TASOR2: variants seen among roughly 807,000 people sequenced by gnomAD.
The protein encoded by TASOR2 is protein TASOR 2.
A neutral mutation model predicts 199.5 loss-of-function variants in TASOR2; 84 were observed. The ratio of observed to expected loss-of-function variants is 0.42; its 90% CI spans 0.35 to 0.50. TASOR2 has a LOEUF of 0.50. Ranked by LOEUF, TASOR2 falls within the 20% of genes least tolerant of loss-of-function variation. The pLI, the probability that TASOR2 is intolerant of heterozygous loss-of-function variation, is 0.02. For missense variants in TASOR2, 2,796 were observed against 2,835.9 expected, an observed-to-expected ratio of 0.99 and a Z score of 0.32; for synonymous variants, 1,103 against 1,046.6, an observed-to-expected ratio of 1.05 and a Z score of -1.04.
At chr10:5,758,536 CA>C (rs1330555547) in intron 17 of TASOR2, among the ~76,000 whole-genome samples, 2 of 150,172 alleles carry the variant, frequency 1.3e-5, no homozygotes, top group East Asian at 1.9e-4. Flanking sequence ...AACCCTGTCT[CA>C]AAAAAAAAGG....
chr10:5,716,074 G>A (rs1832593885), intron 2 of TASOR2, among the ~76,000 whole-genome samples: 1 of 152,154 alleles, frequency 6.6e-6, no homozygotes. Flanking sequence ...GTTACTGTAC[G>A]GAATACTTCA....
intron 11 of TASOR2, among the ~76,000 whole-genome samples, chr10:5,734,356 G>A (rs991253824): frequency 6.6e-6 from 1 of 151,876 alleles, no homozygotes; most frequent in Non-Finnish European, 1.5e-5. Context: ...ATAAAACCAG[G>A]TGCACACTTT....
chr10:5,762,559 T>C, exon 20 of TASOR2: 1 of 1,310,152 alleles, frequency 7.6e-7, no homozygotes, highest in Non-Finnish European at 1.0e-6. Flanking sequence ...AGAGAAGTCT[T>C]TGAAAATAGT....
rs770109556 is a variant in TASOR2, at chr10:5,698,696, C to T, written c.-288+13521C>T. Among the ~76,000 whole-genome samples, 6 of 151,958 alleles carry T rather than the reference C, an allele frequency of 3.9e-5. No homozygotes were observed. Among genetic ancestry groups the T allele is most frequent in the African/African-American group, 1.5e-4 (6 of 41,348 alleles). On this transcript the variant is annotated intron_variant, in intron 1 of 20. Coordinates refer to ENST00000328090, the Ensembl canonical transcript of TASOR2. The surrounding 1 kb of genome is among the most constrained non-coding windows in gnomAD (Gnocchi z 4.4). ...AATCCTAAAGTATTTATTTTCTGAC[C>T]CTTTATGAAAAAGTTTGCTGACCTT...
chr10:5,755,200 C>T (rs866114248), intron 15 of TASOR2, among the ~76,000 whole-genome samples: 14 of 152,096 alleles, frequency 9.2e-5, no homozygotes, highest in Non-Finnish European at 7.4e-5. Context: ...GTAAGCTCTT[C>T]GTTAAATCTC....
At chr10:5,763,200 A>T (rs1459931127) in exon 21 of TASOR2, 4 of 597,318 alleles carry the variant, frequency 6.7e-6, no homozygotes, top group Non-Finnish European at 1.1e-5. Flanking sequence ...GAAATATGTC[A>T]CAGTGGCATT....
Position 5,748,905 on chromosome 10 carries a change from A to T in TASOR2, c.5484A>T (p.Gly1828=). ...CCGACATGCACTATGAACTCTCTGG[A>T]GATTCTGATCTAGACCTGCTTGGTG... The change falls in exon 15 of 21, where the codon GGA becomes GGT. Residue 1828 remains glycine (G), a synonymous_variant. Transcript: ENST00000328090. The surrounding 1 kb of genome is among the most constrained non-coding windows in gnomAD (Gnocchi z 5.1). The T allele has an allele frequency of 1.9e-6, 3 of 1,614,138 alleles. No homozygotes were observed. Among genetic ancestry groups the T allele is most frequent in the Non-Finnish European group, 2.5e-6 (3 of 1,180,026 alleles).
Position 5,730,935 on chromosome 10 carries a change from A to G in TASOR2, c.936A>G (p.Ser312=), listed in dbSNP as rs1295205718. The G allele has an allele frequency of 1.2e-6, 2 of 1,614,104 alleles. No homozygotes were observed. Among genetic ancestry groups the G allele is most frequent in the Admixed American group, 1.7e-5 (1 of 60,008 alleles). ...CTCCAGATCCTGAATTTCTTGTCTC[A>G]GAGGCAGAAGTGAGAAAAGAAACTG... The change falls in exon 11 of 21, where the codon TCA becomes TCG. Residue 312 remains serine, a synonymous_variant. Coordinates refer to ENST00000328090, the Ensembl canonical transcript of TASOR2. This position sits in a 1 kb window ranked among gnomAD's most constrained non-coding sequence, Gnocchi z 4.1.
At position 5,759,534 on chromosome 10, in the gene TASOR2, G is replaced by T. The variant is rs1282210513; in HGVS notation, c.6992+542G>T. Among the ~76,000 whole-genome samples, 2 of 152,228 alleles carry T rather than the reference G, an allele frequency of 1.3e-5. 1 individual carries two copies. Among genetic ancestry groups the T allele is most frequent in the East Asian group, 3.8e-4 (2 of 5,198 alleles). On this transcript the variant is annotated intron_variant, in intron 18 of 20. Coordinates refer to ENST00000328090, the Ensembl canonical transcript of TASOR2. The stretch of plus-strand genomic sequence containing the variant: ...CTCACAAGCAGGACCAATTGGAAAA[G>T]CAGACCTGACAAGCCCTTGTGAAAT...
chr10:5,756,045 T>G (rs558601048), intron 15 of TASOR2, among the ~76,000 whole-genome samples: 4 of 152,164 alleles, frequency 2.6e-5, no homozygotes, highest in African/African-American at 9.6e-5. Context: ...ATTATAGAAT[T>G]TATTTAATTA....
chr10:5,716,530 T>G (rs1239380242), intron 2 of TASOR2, among the ~76,000 whole-genome samples: 1 of 152,182 alleles, frequency 6.6e-6, no homozygotes, highest in Non-Finnish European at 1.5e-5. Flanking sequence ...TCCTATTTTT[T>G]CACCCCACCC....
chr10:5,752,124 C>T lies in TASOR2; in HGVS notation c.6606+2097C>T, dbSNP rs1838138210. On this transcript the variant is annotated intron_variant, in intron 15 of 20. Transcript: ENST00000328090. The surrounding 1 kb of genome is among the most constrained non-coding windows in gnomAD (Gnocchi z 4.4). ...CCCCTACCCTTGCAGCAGAAAGCTC[C>T]ATTCAGATGTCAGCAGTCCTGTTTA... is the stretch of plus-strand genomic sequence containing the variant. Among the ~76,000 whole-genome samples the T allele has an allele frequency of 6.6e-6, 1 of 152,178 alleles. No individual in the cohort carries two copies. The highest frequency in any genetic ancestry group is 1.5e-5 in the Non-Finnish European group (1 of 68,036).
chr10:5,715,539 C>T (rs1832515220), intron 2 of TASOR2, among the ~76,000 whole-genome samples: 1 of 152,146 alleles, frequency 6.6e-6, no homozygotes, highest in East Asian at 1.9e-4. Flanking sequence ...CATATTGTAG[C>T]ATGAACCAGT....
chr10:5,725,889 C>T (rs1329091473), intron 8 of TASOR2, among the ~76,000 whole-genome samples: 1 of 152,082 alleles, frequency 6.6e-6, no homozygotes, highest in African/African-American at 2.4e-5. Context: ...CATAGGGGCT[C>T]TCATAGAATC....
At chr10:5,749,088 G>A in exon 15 of TASOR2, 1 of 1,614,106 alleles carries the variant, frequency 6.2e-7, no homozygotes, top group East Asian at 2.2e-5. Flanking sequence ...TTCCAGGCAT[G>A]GAGACGAGCC....
chr10:5,726,940 C>T, exon 9 of TASOR2: 2 of 1,613,940 alleles, frequency 1.2e-6, no homozygotes, highest in Non-Finnish European at 1.7e-6. Context: ...ACATCATCAG[C>T]CTTACTATCA....
At chr10:5,731,505 G>A (rs1276013359) in intron 11 of TASOR2, among the ~76,000 whole-genome samples, 1 of 152,230 alleles carries the variant, frequency 6.6e-6, no homozygotes, top group Non-Finnish European at 1.5e-5. Context: ...TCCCGCCTGG[G>A]TGACGAGCAA....
intron 14 of TASOR2, among the ~76,000 whole-genome samples, chr10:5,744,475 G>A (rs1836890222): frequency 6.6e-6 from 1 of 151,996 alleles, no homozygotes; most frequent in African/African-American, 2.4e-5. Context: ...GCTGATTTTT[G>A]TATTTTTAGT....
rs370965397 is a variant in TASOR2, at chr10:5,698,659, C to T, written c.-288+13484C>T. On this transcript the variant is annotated intron_variant, in intron 1 of 20. Transcript: ENST00000328090. This position sits in a 1 kb window ranked among gnomAD's most constrained non-coding sequence, Gnocchi z 4.4. Reference sequence around the variant, plus strand: ...AGAGATGAGTAGTTGTGACAGAGACCGTGTGGTTCATAATCCTAAAGTATT... The same window carrying T: ...AGAGATGAGTAGTTGTGACAGAGACTGTGTGGTTCATAATCCTAAAGTATT... 2.0e-5 allele frequency among the ~76,000 whole-genome samples: 3 copies of T among 152,020 alleles called. No individual in the cohort carries two copies. Among genetic ancestry groups the T allele is most frequent in the African/African-American group, 4.8e-5 (2 of 41,374 alleles).
Sources: allele counts gnomAD v4.1 joint callset (sites outside exome capture counted in the v4.1 genomes callset), GRCh38; gene constraint gnomAD v4.1.1; non-coding constraint Gnocchi (gnomAD v3.1); transcripts MANE v1.5; gene names NCBI Gene and HGNC (gene_info 2026-07-23, HGNC 2026-07-21).